The following ATP6V1C1 variants were observed in gnomAD, a reference collection of about 807,000 sequenced individuals.
ATP6V1C1 encodes the protein ATPase H+ transporting V1 subunit C1.
In ATP6V1C1, 45 loss-of-function variants were observed where a neutral mutation model predicts 53.9. That is an observed-to-expected ratio of 0.83 (90% CI 0.66 to 1.07). The LOEUF (loss-of-function observed/expected upper bound fraction) is 1.07, where lower values mean the gene tolerates loss of function less well. Among genes scored for constraint, ATP6V1C1 ranks in the 50% least tolerant of loss-of-function variants. The pLI is 0.00. For missense variants in ATP6V1C1, 315 were observed against 440.3 expected, an observed-to-expected ratio of 0.72 and a Z score of 2.55; for synonymous variants, 153 against 155.2, an observed-to-expected ratio of 0.99 and a Z score of 0.11.
At chr8:103,038,084 ATTTCTTATT>A (rs1395870349) in intron 1 of ATP6V1C1, among the ~76,000 whole-genome samples, 46 of 152,062 alleles carry the variant, frequency 3.0e-4, no homozygotes, top group African/African-American at 9.4e-4. Flanking sequence ...TAAAACAGTG[ATTTCTTATT>A]TCTCCTAATT....
At position 103,053,925 on chromosome 8, in the gene ATP6V1C1, A is replaced by C; in HGVS notation, c.515A>C (p.Lys172Thr). 1.2e-6 allele frequency: 2 copies of C among 1,611,876 alleles called. No individual in the cohort carries two copies. Among genetic ancestry groups the C allele is most frequent in the Non-Finnish European group, 1.7e-6 (2 of 1,178,696 alleles). ...LTRSLAEIVK[K>T]DDFVLDSEYL... ...AGAAGTCTAGCAGAAATTGTGAAGA[A>C]GGATGACTTTGTTCTTGATTCAGAG... Residue 172 changes from lysine to threonine, a missense_variant, in exon 7 of 13, where the codon AAG (lysine) becomes ACG (threonine). Transcript: ENST00000518738.
intron 12 of ATP6V1C1, among the ~76,000 whole-genome samples, chr8:103,067,876 TGCCCCCG>T (rs1318758179): frequency 6.6e-6 from 1 of 152,164 alleles, no homozygotes; most frequent in Non-Finnish European, 1.5e-5. Flanking sequence ...TGAGCCACCT[TGCCCCCG>T]GCCAACTTGC....
At chr8:103,032,303 T>C (rs1816812701) in intron 1 of ATP6V1C1, among the ~76,000 whole-genome samples, 1 of 152,134 alleles carries the variant, frequency 6.6e-6, no homozygotes, top group African/African-American at 2.4e-5. Context: ...AAATGCATCA[T>C]GGAAATGCAA....
chr8:103,024,087 T>G (rs1272430167), intron 1 of ATP6V1C1, among the ~76,000 whole-genome samples: 1 of 152,204 alleles, frequency 6.6e-6, no homozygotes, highest in Non-Finnish European at 1.5e-5. Context: ...GTGCTCAGGT[T>G]GTCAATCACA....
chr8:103,050,033 G>C (rs1348745303), intron 4 of ATP6V1C1, among the ~76,000 whole-genome samples: 1 of 151,850 alleles, frequency 6.6e-6, no homozygotes, highest in Non-Finnish European at 1.5e-5. Flanking sequence ...ACTCTAATAA[G>C]GTTACTATAT....
chr8:103,055,577 A>T (rs190713586), intron 7 of ATP6V1C1, among the ~76,000 whole-genome samples: 1 of 152,308 alleles, frequency 6.6e-6, no homozygotes, highest in East Asian at 1.9e-4. Flanking sequence ...TGCAGCTTGA[A>T]AACAATTTAG....
chr8:103,041,416 C>A (rs1816998472), intron 2 of ATP6V1C1, among the ~76,000 whole-genome samples: 1 of 152,136 alleles, frequency 6.6e-6, no homozygotes, highest in Admixed American at 6.6e-5. Flanking sequence ...AAGATTCACT[C>A]TTATCAAAGA....
chr8:103,035,312 CCAT>C (rs1441529388), intron 1 of ATP6V1C1, among the ~76,000 whole-genome samples: 1 of 149,408 alleles, frequency 6.7e-6, no homozygotes, highest in East Asian at 1.9e-4. Context: ...TTGATTGGTT[CCAT>C]CATTGTTGTA....
At chr8:103,066,296 T>G in intron 11 of ATP6V1C1, 25 bp from the exon 12 acceptor site, 14 of 1,593,650 alleles carry the variant, frequency 8.8e-6, no homozygotes, top group Non-Finnish European at 1.2e-5. Flanking sequence ...TTGTATTGCG[T>G]ACTGTATTTC....
At chr8:103,053,024 A>T (rs1817227296) in intron 6 of ATP6V1C1, among the ~76,000 whole-genome samples, 1 of 152,154 alleles carries the variant, frequency 6.6e-6, no homozygotes, top group Middle Eastern at 3.4e-3. Flanking sequence ...AGGCTGATTT[A>T]TTATACTTGT....
chr8:103,034,335 G>C (rs1265358983), intron 1 of ATP6V1C1, among the ~76,000 whole-genome samples: 1 of 152,116 alleles, frequency 6.6e-6, no homozygotes, highest in African/African-American at 2.4e-5. Flanking sequence ...ATAAAATAAA[G>C]GGAAATAATT....
At chr8:103,042,756 C>G (rs1817023411) in intron 3 of ATP6V1C1, among the ~76,000 whole-genome samples, 2 of 152,242 alleles carry the variant, frequency 1.3e-5, no homozygotes, top group South Asian at 4.2e-4. Flanking sequence ...ATTCCTGTTC[C>G]CATTAGCAGT....
intron 1 of ATP6V1C1, among the ~76,000 whole-genome samples, chr8:103,034,045 G>A (rs565230839): frequency 5.5e-4 from 84 of 152,282 alleles, no homozygotes; most frequent in Middle Eastern, 3.4e-3. Context: ...GTGGATACTG[G>A]TTGAGTACAA....
chr8:103,064,595 G>GAA, intron 10 of ATP6V1C1, 119 bp from the exon 11 acceptor site: 1 of 725,804 alleles, frequency 1.4e-6, no homozygotes, highest in South Asian at 2.0e-5. Context: ...TGTAGAAAGT[G>GAA]AATTATGCGA....
chr8:103,064,504 G>T (rs1041837436), intron 10 of ATP6V1C1: 2 of 403,342 alleles, frequency 5.0e-6, no homozygotes, highest in African/African-American at 4.1e-5. Context: ...TTTAGTGTCT[G>T]TTGAGATCTC....
At chr8:103,042,288 T>G (rs1817014222) in intron 2 of ATP6V1C1, 52 bp from the exon 3 acceptor site, 7 of 1,547,548 alleles carry the variant, frequency 4.5e-6, no homozygotes, top group Non-Finnish European at 6.2e-6. Context: ...TCATCTTGTT[T>G]TTTTTTTTTA....
At chr8:103,062,047 G>A (rs551874078) in intron 8 of ATP6V1C1, among the ~76,000 whole-genome samples, 1 of 151,598 alleles carries the variant, frequency 6.6e-6, no homozygotes, top group South Asian at 2.1e-4. Context: ...CCATGGAGCT[G>A]TGACTGAATG....
intron 4 of ATP6V1C1, among the ~76,000 whole-genome samples, chr8:103,049,411 AG>A (rs1817160913): frequency 6.6e-6 from 1 of 152,186 alleles, no homozygotes; most frequent in East Asian, 1.9e-4. Context: ...GTGCCCCCTC[AG>A]TATGATTTTG....
In ATP6V1C1 at chr8:103,048,748, A is replaced by G. The variant is rs1586319201; in HGVS notation, c.201-122A>G. On this transcript the variant is annotated intron_variant, in intron 3 of 12. Transcript: ENST00000518738. ...AGGTAAGATCCATTTATTGTGTATTATATGGATAGGTATAATGGGAACATA... is the reference window on the plus strand; with the variant it reads ...AGGTAAGATCCATTTATTGTGTATTGTATGGATAGGTATAATGGGAACATA... 5 of 747,200 alleles carry G rather than the reference A, an allele frequency of 6.7e-6. No homozygotes were observed. The East Asian group carries it at 1.4e-4, about 20-fold the overall frequency. The allele number at this position is 747,200 out of a possible 1,614,324, so 46.3% of individuals were successfully genotyped here.
Sources: gnomAD v4.1 joint callset for allele counts (sites outside exome capture counted in the v4.1 genomes callset) on GRCh38, gnomAD v4.1.1 for gene constraint, MANE v1.5 for transcripts, NCBI Gene and HGNC (gene_info 2026-07-23, HGNC 2026-07-21) for gene names.